The following BRCA1 variants were observed in gnomAD, a reference collection of about 807,000 sequenced individuals.
BRCA1 encodes BRCA1 DNA repair associated, also known as breast cancer type 1 susceptibility protein.
A neutral mutation model predicts 173.7 loss-of-function variants in BRCA1; 140 were observed. That is an observed-to-expected ratio of 0.81 (90% CI 0.70 to 0.93). BRCA1 has a LOEUF of 0.93. Ranked by LOEUF, BRCA1 falls within the 40% of genes least tolerant of loss-of-function variation. The pLI is 0.00. For missense variants in BRCA1, 1,983 were observed against 2,172.5 expected (o/e 0.91, Z 1.73); for synonymous variants, 662 against 756.0 (o/e 0.88, Z 2.04).
At chr17:43,112,648 C>CAT (rs1375700479) in intron 3 of BRCA1, 4 of 147,052 alleles carry the variant, frequency 2.7e-5, no homozygotes, top group Non-Finnish European at 4.5e-5. Flanking sequence ...CACACACACA[C>CAT]ATATATATAA....
rs397508983 is a variant in BRCA1 at position 43,092,959 on chromosome 17, G to C, written c.2572C>G (p.Gln858Glu). The change falls in exon 10 of 23, where the codon CAG becomes GAG. Residue 858 changes from glutamine (Q) to glutamate (E), a missense_variant. By Grantham distance (29) the Gln-to-Glu change is conservative. Transcript: ENST00000357654. ...CGCTTTGAAACCTTGAATGTATTCT[G>C]CAAATACTGAGCATCAAGTTCACTT... ...EESELDAQYL[Q>E]NTFKVSKRQS... The C allele has an allele frequency of 6.2e-7, 1 of 1,613,612 alleles. No individual in the cohort carries two copies. Among genetic ancestry groups the C allele is most frequent in the South Asian group, 1.1e-5 (1 of 91,060 alleles).
At chr17:43,051,674 TCA>T (rs1328320997) in intron 19 of BRCA1, among the ~76,000 whole-genome samples, 1 of 151,506 alleles carries the variant, frequency 6.6e-6, no homozygotes, top group Non-Finnish European at 1.5e-5. Context: ...TCTCTCTCTG[TCA>T]CCTAGGCTGG....
chr17:43,107,532 C>A (rs2054852358), intron 3 of BRCA1, among the ~76,000 whole-genome samples: 1 of 151,844 alleles, frequency 6.6e-6, no homozygotes, highest in Admixed American at 6.6e-5. Context: ...AGACATGCAC[C>A]ACCATACCCA....
intron 5 of BRCA1, 40 bp downstream of exon 5, chr17:43,104,828 A>G: frequency 6.5e-7 from 1 of 1,548,598 alleles, no homozygotes; most frequent in Non-Finnish European, 8.9e-7. Context: ...GTTTTCATGG[A>G]CAGCACTTGA....
At position 43,093,054 on chromosome 17, in the gene BRCA1, G is replaced by T. The variant is rs28897683; in HGVS notation, c.2477C>A (p.Thr826Lys). ...TCCCAATGGATACTTAAAGCCTTCT[G>T]TGTCATTTCTATTATCTTTGGAACA... is the stretch of plus-strand genomic sequence containing the variant. ...HGCSKDNRND[T>K]EGFKYPLGHE... Residue 826 changes from threonine (T) to lysine (K), a missense_variant, in exon 10 of 23, where the codon ACA becomes AAA. By Grantham distance (78) the Thr-to-Lys change is moderately conservative. Coordinates refer to ENST00000357654, the MANE Select transcript of BRCA1 (RefSeq NM_007294.4). 550 of 1,613,812 alleles carry T rather than the reference G, an allele frequency of 3.4e-4. 1 individual carries two copies. Among genetic ancestry groups the T allele is most frequent in the Middle Eastern group, 4.9e-4 (3 of 6,062 alleles).
intron 7 of BRCA1, among the ~76,000 whole-genome samples, chr17:43,098,339 TA>T (rs970851905): frequency 2.6e-5 from 4 of 151,892 alleles, no homozygotes; most frequent in Admixed American, 6.6e-5. Context: ...TTTATAAGCT[TA>T]AAAAAATTTA....
chr17:43,096,392 AAAG>A (rs1445212357), intron 8 of BRCA1, among the ~76,000 whole-genome samples: 1 of 150,532 alleles, frequency 6.6e-6, no homozygotes, highest in Non-Finnish European at 1.5e-5. Flanking sequence ...AAAAAAAAAA[AAAG>A]AGAGAAAGAA....
At chr17:43,102,957 T>G (rs1238320477) in intron 6 of BRCA1, among the ~76,000 whole-genome samples, 1 of 151,780 alleles carries the variant, frequency 6.6e-6, no homozygotes, top group East Asian at 1.9e-4. Flanking sequence ...ACTTTTTTTT[T>G]TTTTTAATTG....
intron 2 of BRCA1, 98 bp from the exon 3 acceptor site, chr17:43,115,877 T>C (rs1597912343): frequency 3.1e-6 from 4 of 1,286,622 alleles, no homozygotes; most frequent in Non-Finnish European, 1.1e-6. Flanking sequence ...CTTTGAGCTG[T>C]TATGACTGAG....
intron 3 of BRCA1, among the ~76,000 whole-genome samples, chr17:43,114,728 A>G (rs1342329891): frequency 6.6e-6 from 1 of 152,094 alleles, no homozygotes; most frequent in Non-Finnish European, 1.5e-5. Context: ...TTTACCAAGT[A>G]CATAGTTTGT....
chr17:43,047,770 C>A (rs2152821830), intron 21 of BRCA1, 67 bp from the exon 22 acceptor site: 1 of 1,565,536 alleles, frequency 6.4e-7, no homozygotes, highest in Non-Finnish European at 8.8e-7. Context: ...GTCACTTCAT[C>A]ATTTTTTTTG....
chr17:43,112,176 G>T (rs1179201306), intron 3 of BRCA1, among the ~76,000 whole-genome samples: 1 of 151,738 alleles, frequency 6.6e-6, no homozygotes, highest in African/African-American at 2.4e-5. Flanking sequence ...TGCAGCCTCT[G>T]CCTCCTGGGT....
At chr17:43,141,258 G>T (rs1597936200) in intron 1 of BRCA1, among the ~76,000 whole-genome samples, 2 of 152,338 alleles carry the variant, frequency 1.3e-5, no homozygotes, top group East Asian at 3.9e-4. Flanking sequence ...GGGCAAAATA[G>T]AATCTTACTT....
At chr17:43,064,046 C>T (rs1363434150) in intron 16 of BRCA1, 95 bp from the exon 17 acceptor site, 1 of 988,282 alleles carries the variant, frequency 1.0e-6, no homozygotes, top group African/African-American at 1.6e-5. Context: ...TTTTACACTC[C>T]CAAGATCAAT....
chr17:43,082,616 T>C, intron 11 of BRCA1, 41 bp from the exon 12 acceptor site: 1 of 1,599,050 alleles, frequency 6.3e-7, no homozygotes. Context: ...TGAAATACTT[T>C]GAGAAGCTTT....
At chr17:43,125,149 C>G (rs1408714998) in intron 1 of BRCA1, 122 bp downstream of exon 1, 2 of 454,266 alleles carry the variant, frequency 4.4e-6, no homozygotes, top group Admixed American at 4.7e-5. Context: ...TTACGCCTCT[C>G]AGGTTCCGCC....
intron 2 of BRCA1, 23 bp downstream of exon 2, chr17:43,123,994 A>G (rs1447426729): frequency 6.3e-7 from 1 of 1,575,002 alleles, no homozygotes; most frequent in East Asian, 2.2e-5. Context: ...ATCCCAAATT[A>G]ATACACTCTT....
chr17:43,067,890 T>TAAAAAAAAA (rs71157702), intron 15 of BRCA1, among the ~76,000 whole-genome samples, 195 bp from the exon 16 acceptor site: 4 of 50,108 alleles, frequency 8.0e-5, no homozygotes, highest in African/African-American at 3.8e-4. Context: ...AGGCTGGAGG[T>TAAAAAAAAA]AAAAAAAAAA....
intron 2 of BRCA1, among the ~76,000 whole-genome samples, chr17:43,116,193 T>C (rs2055288143): frequency 6.6e-6 from 1 of 151,958 alleles, no homozygotes; most frequent in South Asian, 2.1e-4. Context: ...TCCTAGAACT[T>C]TTTTTTGTTT....
Sources: gnomAD v4.1 joint callset for allele counts (sites outside exome capture counted in the v4.1 genomes callset) on GRCh38, gnomAD v4.1.1 for gene constraint, MANE v1.5 for transcripts, NCBI Gene and HGNC (gene_info 2026-07-23, HGNC 2026-07-21) for gene names.